JMJD1C: variants seen among roughly 807,000 people sequenced by gnomAD.
JMJD1C encodes jumonji domain-containing protein 1C.
Under a neutral mutation model 245.3 loss-of-function variants are expected in JMJD1C, and 31 were observed. That is an observed-to-expected ratio of 0.13 (90% confidence interval 0.09 to 0.17). JMJD1C has a LOEUF of 0.17. Among genes scored for constraint, JMJD1C ranks in the 10% least tolerant of loss-of-function variants. The pLI, the probability that JMJD1C is intolerant of heterozygous loss-of-function variation, is 1.00. For synonymous variants in JMJD1C, 1,057 were observed against 1,017.4 expected, an observed-to-expected ratio of 1.04 and a Z score of -0.74; for missense variants, 2,691 against 3,000.2, an observed-to-expected ratio of 0.90 and a Z score of 2.41.
intron 3 of JMJD1C, among the ~76,000 whole-genome samples, chr10:63,234,174 C>A (rs1434803662): frequency 6.7e-6 from 1 of 150,350 alleles, no homozygotes; most frequent in Admixed American, 6.9e-5. Context: ...TCCAGAGTTA[C>A]GAGAAGTCTA....
intron 1 of JMJD1C, among the ~76,000 whole-genome samples, chr10:63,431,295 TAAGAG>T (rs1950731188): frequency 6.6e-6 from 1 of 152,178 alleles, no homozygotes; most frequent in Non-Finnish European, 1.5e-5. Flanking sequence ...TTGAGGAAGT[TAAGAG>T]AATAAAAGCT....
At chr10:63,294,765 T>C (rs975502324) in intron 2 of JMJD1C, among the ~76,000 whole-genome samples, 5 of 152,212 alleles carry the variant, frequency 3.3e-5, no homozygotes, top group African/African-American at 1.2e-4. Flanking sequence ...CCACAAAACT[T>C]TGGAGTTCTA....
chr10:63,212,216 GA>G (rs1340612762), intron 8 of JMJD1C, among the ~76,000 whole-genome samples: 1 of 152,116 alleles, frequency 6.6e-6, no homozygotes, highest in East Asian at 1.9e-4. Flanking sequence ...TTTACAAGAT[GA>G]AAAAGTTCTA....
rs564170556 is a variant in JMJD1C, at chr10:63,345,250, G to A, written c.333+35068C>T. ...GCCTGTAATCCCAATACTTTGTGAGGCCGAGGTGGGCGGATCACCTGAGGT... is the reference window on the plus strand; with the variant it reads ...GCCTGTAATCCCAATACTTTGTGAGACCGAGGTGGGCGGATCACCTGAGGT... On this transcript the variant is annotated intron_variant, in intron 2 of 25. Coordinates refer to ENST00000399262, the MANE Select transcript of JMJD1C (RefSeq NM_032776.3). Among the ~76,000 whole-genome samples the A allele has an allele frequency of 8.5e-5, 13 of 152,252 alleles. No homozygotes were observed. In the South Asian group the frequency reaches 2.7e-3, roughly 31 times the overall value.
chr10:63,291,705 A>G (rs1199558749), intron 2 of JMJD1C, among the ~76,000 whole-genome samples: 2 of 151,922 alleles, frequency 1.3e-5, no homozygotes, highest in African/African-American at 4.8e-5. Context: ...ACAGTGCACT[A>G]TGGCCTCAAA....
chr10:63,222,714 T>C (rs1848751420), intron 3 of JMJD1C: 10 of 1,539,794 alleles, frequency 6.5e-6, no homozygotes, highest in South Asian at 3.4e-5. Context: ...GCTGCTTTGA[T>C]TGACTTGGAT....
chr10:63,455,944 CAAT>C (rs1340790768), intron 1 of JMJD1C, among the ~76,000 whole-genome samples: 1 of 152,018 alleles, frequency 6.6e-6, no homozygotes, highest in African/African-American at 2.4e-5. Flanking sequence ...AAATTTAATG[CAAT>C]ATTATATTAA....
Position 63,213,462 on chromosome 10 carries a change from G to A in JMJD1C, c.2694+11C>T, listed in dbSNP as rs771191890. On this transcript the variant is annotated intron_variant, in intron 8 of 25. Transcript: ENST00000399262. ...ATATACTGCTATGTGGCAAACTACA[G>A]TGTAACTTACCCTCCTTAATGAAGC... is the stretch of plus-strand genomic sequence containing the variant. 6.6e-7 allele frequency: 1 copy of A among 1,516,792 alleles called. No individual in the cohort carries two copies. The highest frequency in any genetic ancestry group is 1.2e-5 in the South Asian group (1 of 84,868). The allele number at this position is 1,516,792 out of a possible 1,614,324, so 94.0% of individuals were successfully genotyped here.
In JMJD1C at chr10:63,213,835, T is replaced by C. The variant is rs1199302814; in HGVS notation, c.2332A>G (p.Asn778Asp). The change falls in exon 8 of 26, where the codon AAC (asparagine) becomes GAC (aspartate). Residue 778 changes from asparagine (N) to aspartate (D), a missense_variant. Physicochemically the swap from Asn to Asp is conservative, Grantham distance 23. Coordinates refer to ENST00000399262, the MANE Select transcript of JMJD1C (RefSeq NM_032776.3). ...GGACCACTAGTCAGAGGATGAGTGTTAATGGTAGGTAATGGAGTTTGACTA... is the reference window on the plus strand; with the variant it reads ...GGACCACTAGTCAGAGGATGAGTGTCAATGGTAGGTAATGGAGTTTGACTA... ...SSSQTPLPTI[N>D]THPLTSGPHH... 1 of 1,613,938 alleles carries C rather than the reference T, an allele frequency of 6.2e-7. No individual in the cohort carries two copies. Among genetic ancestry groups the C allele is most frequent in the South Asian group, 1.1e-5 (1 of 91,066 alleles).
At chr10:63,437,661 T>G (rs1428850449) in intron 1 of JMJD1C, among the ~76,000 whole-genome samples, 1 of 152,202 alleles carries the variant, frequency 6.6e-6, no homozygotes, top group Non-Finnish European at 1.5e-5. Flanking sequence ...AAATGCCTTG[T>G]CAATAATCTC....
chr10:63,441,569 A>G (rs1214124783), intron 1 of JMJD1C, among the ~76,000 whole-genome samples: 5 of 152,210 alleles, frequency 3.3e-5, no homozygotes, highest in Admixed American at 6.5e-5. Context: ...GCATTAGATC[A>G]TAAGTCCTTC....
intron 1 of JMJD1C, among the ~76,000 whole-genome samples, chr10:63,414,767 T>C (rs975737364): frequency 2.6e-5 from 4 of 151,474 alleles, no homozygotes; most frequent in African/African-American, 9.7e-5. Flanking sequence ...ACTCACCGGT[T>C]GTGGTGGCAG....
chr10:63,459,722 C>T (rs1319601400), intron 1 of JMJD1C, among the ~76,000 whole-genome samples: 1 of 152,080 alleles, frequency 6.6e-6, no homozygotes, highest in Non-Finnish European at 1.5e-5. Flanking sequence ...ATGCTGCTTT[C>T]ATTATTCAAA....
At chr10:63,193,226 TAC>T in intron 15 of JMJD1C, 75 bp from the exon 16 acceptor site, 5 of 1,489,562 alleles carry the variant, frequency 3.4e-6, no homozygotes, top group Non-Finnish European at 4.6e-6. Flanking sequence ...ACAAAAAATT[TAC>T]ACAGAAACAC....
At chr10:63,313,021 T>A (rs528204683) in intron 2 of JMJD1C, among the ~76,000 whole-genome samples, 2 of 152,264 alleles carry the variant, frequency 1.3e-5, no homozygotes, top group South Asian at 4.2e-4. Flanking sequence ...TAGCGGTGAT[T>A]TGTGGGATTT....
intron 2 of JMJD1C, among the ~76,000 whole-genome samples, chr10:63,331,251 C>T (rs1328172791): frequency 3.3e-5 from 5 of 152,170 alleles, no homozygotes. Context: ...GAGCTTTCTA[C>T]TTTACCTCTT....
intron 3 of JMJD1C, among the ~76,000 whole-genome samples, chr10:63,262,492 C>G (rs914005622): frequency 4.6e-5 from 7 of 152,054 alleles, no homozygotes; most frequent in African/African-American, 1.7e-4. Context: ...CATAGAAAAG[C>G]TCTGCTATAA....
At chr10:63,234,135 C>A (rs1850355961) in intron 3 of JMJD1C, among the ~76,000 whole-genome samples, 1 of 151,862 alleles carries the variant, frequency 6.6e-6, no homozygotes, top group African/African-American at 2.4e-5. Flanking sequence ...TAAATACTCA[C>A]ATTAAAAGGT....
intron 1 of JMJD1C, among the ~76,000 whole-genome samples, chr10:63,385,587 G>A (rs1222960544): frequency 6.6e-6 from 1 of 151,744 alleles, no homozygotes; most frequent in African/African-American, 2.4e-5. Flanking sequence ...ACAGGTGCAT[G>A]TTACCATGAC....
Sources: gnomAD v4.1 joint callset for allele counts (sites outside exome capture counted in the v4.1 genomes callset) on GRCh38, gnomAD v4.1.1 for gene constraint, MANE v1.5 for transcripts, NCBI Gene and HGNC (gene_info 2026-07-23, HGNC 2026-07-21) for gene names.